Variants in POF1B observed in about 807,000 individuals in gnomAD.
POF1B encodes POF1B actin binding protein.
A neutral mutation model predicts 55.3 loss-of-function variants in POF1B; 53 were observed. The ratio of observed to expected loss-of-function variants is 0.96; its 90% CI spans 0.77 to 1.20. The LOEUF (loss-of-function observed/expected upper bound fraction) is 1.20. Among genes scored for constraint, POF1B ranks in the 50% most tolerant of loss-of-function variants. The pLI, the probability that POF1B is intolerant of heterozygous loss-of-function variation, is 0.00. For missense variants in POF1B, 478 were observed against 420.5 expected (o/e 1.14, Z -1.20); for synonymous variants, 188 against 148.3 (o/e 1.27, Z -1.95).
intron 9 of POF1B, among the ~76,000 whole-genome samples, chrX:85,309,311 T>A (rs2147907617): frequency 9.3e-6 from 1 of 106,994 alleles, no homozygotes; most frequent in Non-Finnish European, 1.9e-5. Flanking sequence ...TCCCACCCTG[T>A]GGAGTGTGCT....
Position 85,278,179 on chromosome X carries a change from A to C in POF1B, c.*1242T>G, listed in dbSNP as rs1247937268. ...TTTTTCCTCATTTATGGTTTGATTTAGTGTAGTGCCTCAACTGTTCTTAAT... is the reference window on the plus strand; with the variant it reads ...TTTTTCCTCATTTATGGTTTGATTTCGTGTAGTGCCTCAACTGTTCTTAAT... On this transcript the variant is annotated 3_prime_UTR_variant, in exon 17 of 17. Transcript: ENST00000262753. 3 of 110,989 alleles carry C rather than the reference A, an allele frequency of 2.7e-5. No homozygotes were observed. Among genetic ancestry groups the C allele is most frequent in the Admixed American group, 9.6e-5 (1 of 10,368 alleles). The allele number at this position is 110,989 out of a possible 1,213,427, so 9.1% of individuals were successfully genotyped here. A position where few individuals can be genotyped will look rare whatever the true frequency, so the allele number is the denominator to read the frequency against.
At chrX:85,285,575 C>T (rs902458969) in intron 15 of POF1B, among the ~76,000 whole-genome samples, 9 of 102,671 alleles carry the variant, frequency 8.8e-5, no homozygotes, top group African/African-American at 3.3e-4. Flanking sequence ...ACCACATGTT[C>T]TCACTCATAG....
intron 3 of POF1B, among the ~76,000 whole-genome samples, chrX:85,362,823 C>T (rs1933647864): frequency 9.0e-6 from 1 of 111,308 alleles, no homozygotes; most frequent in African/African-American, 3.3e-5. Flanking sequence ...ATGAATGGTA[C>T]CATCTCTTCT....
intron 15 of POF1B, among the ~76,000 whole-genome samples, chrX:85,292,522 CTT>C (rs1932214563): frequency 8.9e-6 from 1 of 112,031 alleles, no homozygotes; most frequent in Admixed American, 9.4e-5. Flanking sequence ...CCCAGCTCCT[CTT>C]TGTACATTTG....
chrX:85,313,694 C>T (rs760488126), intron 9 of POF1B, among the ~76,000 whole-genome samples: 67 of 111,300 alleles, frequency 6.0e-4, no homozygotes, highest in African/African-American at 2.1e-3. Context: ...CCTCATAAAA[C>T]GAGTTAGGGG....
intron 15 of POF1B, among the ~76,000 whole-genome samples, chrX:85,296,209 TA>T (rs752441007): frequency 8.9e-5 from 10 of 111,834 alleles, no homozygotes; most frequent in Non-Finnish European, 1.7e-4. Context: ...CTATGTCTTT[TA>T]AGTGGGGCAT....
At chrX:85,354,756 T>G (rs967180928) in intron 4 of POF1B, among the ~76,000 whole-genome samples, 1 of 110,798 alleles carries the variant, frequency 9.0e-6, no homozygotes, top group Non-Finnish European at 1.9e-5. Context: ...ACAAGGGACG[T>G]GAAGGACCTC....
chrX:85,289,415 G>A (rs1226529264), intron 15 of POF1B, among the ~76,000 whole-genome samples: 1 of 112,052 alleles, frequency 8.9e-6, no homozygotes, highest in Non-Finnish European at 1.9e-5. Flanking sequence ...AAGGCTGCAC[G>A]CTCTCATGTG....
intron 15 of POF1B, among the ~76,000 whole-genome samples, chrX:85,299,191 CTTT>C (rs765012797): frequency 3.2e-4 from 24 of 74,867 alleles, no homozygotes; most frequent in African/African-American, 9.7e-4. Flanking sequence ...CTTTTTTTTT[CTTT>C]TTTTTTTTTT....
rs771997879 is a variant in POF1B at position 85,282,329 on chromosome X, A to G, written c.1650-12T>C. 30 of 1,079,389 alleles carry G rather than the reference A, an allele frequency of 2.8e-5. No homozygotes were observed. Among genetic ancestry groups the G allele is most frequent in the Non-Finnish European group, 3.6e-5 (29 of 808,966 alleles). The allele number at this position is 1,079,389 out of a possible 1,213,427, so 89.0% of individuals were successfully genotyped here. On this transcript the variant is annotated splice_polypyrimidine_tract_variant and intron_variant, in intron 15 of 16. Transcript: ENST00000262753. Reference sequence around the variant, plus strand: ...ATTGTGTCCTGTACCTGTTGGCAAGAAAAGAGTTAGTTTACAGGCTGCATG... The same window carrying G: ...ATTGTGTCCTGTACCTGTTGGCAAGGAAAGAGTTAGTTTACAGGCTGCATG...
chrX:85,327,218 T>C (rs66922672), intron 7 of POF1B, among the ~76,000 whole-genome samples: 27,924 of 109,958 alleles, frequency 0.25, 3,931 homozygotes, highest in African/African-American at 0.54. Context: ...TGCTCTTTAC[T>C]TGCTCAACTC....
rs1931843999 is a variant in POF1B, at chrX:85,279,250, G to A, written c.*171C>T. On this transcript the variant is annotated 3_prime_UTR_variant, in exon 17 of 17. Transcript: ENST00000262753. The stretch of plus-strand genomic sequence containing the variant: ...AAAGATTTAGGTCTCATAAATGGGT[G>A]AAGAAATTGTCATCTACAGAACTAA... The A allele has an allele frequency of 8.8e-6, 4 of 455,205 alleles. No homozygotes were observed. Among genetic ancestry groups the A allele is most frequent in the Admixed American group, 3.9e-5 (1 of 25,556 alleles). 37.5% of individuals were successfully genotyped at this position (455,205 alleles called of 1,213,427 possible).
At chrX:85,342,390 T>C (rs1341036114) in intron 6 of POF1B, among the ~76,000 whole-genome samples, 1 of 111,741 alleles carries the variant, frequency 8.9e-6, no homozygotes, top group Non-Finnish European at 1.9e-5. Flanking sequence ...TATTGGTGAT[T>C]TGAAACATTT....
At chrX:85,367,381 A>G (rs1371243613) in intron 3 of POF1B, among the ~76,000 whole-genome samples, 1 of 111,741 alleles carries the variant, frequency 8.9e-6, no homozygotes, top group African/African-American at 3.3e-5. Flanking sequence ...CATAAAGCCA[A>G]GTCTTCAATC....
intron 9 of POF1B, among the ~76,000 whole-genome samples, chrX:85,308,581 T>G (rs979281752): frequency 8.9e-5 from 10 of 111,980 alleles, no homozygotes; most frequent in African/African-American, 1.9e-4. Flanking sequence ...CTAAGTGTAT[T>G]GCCAACTGCC....
rs202187305 is a variant in POF1B, at chrX:85,329,054, CATAGATT to C, written c.854+1888_854+1894del. On this transcript the variant is annotated intron_variant, in intron 7 of 16. Transcript: ENST00000262753. ...TTAGGGAAGGCTTTGCAGAAAAGTTCATAGATTATAGGTAAAGCAGTACTCAAAAATG... is the reference window on the plus strand; with the variant it reads ...TTAGGGAAGGCTTTGCAGAAAAGTTCATAGGTAAAGCAGTACTCAAAAATG... Among the ~76,000 whole-genome samples, 234 of 111,398 alleles carry C rather than the reference CATAGATT, an allele frequency of 2.1e-3. 2 individuals carry two copies. The East Asian group carries it at 0.048, about 23-fold the overall frequency.
chrX:85,285,447 T>C (rs1051598475), intron 15 of POF1B, among the ~76,000 whole-genome samples: 1 of 110,872 alleles, frequency 9.0e-6, no homozygotes, highest in Non-Finnish European at 1.9e-5. Context: ...GTGGCACATA[T>C]ACACCATGGA....
rs755793256 is a variant in POF1B, at chrX:85,280,478, A to C, written c.1765-1052T>G. Among the ~76,000 whole-genome samples the C allele has an allele frequency of 7.2e-5, 8 of 111,237 alleles. No homozygotes were observed. In the South Asian group the frequency reaches 3.0e-3, roughly 42 times the overall value. ...GAATTTTCCCAAACCGAACATGCAT[A>C]TGTAACCATCTCCCAGATAAAGAAA... On this transcript the variant is annotated intron_variant, in intron 16 of 16. Coordinates refer to ENST00000262753, the MANE Select transcript of POF1B (RefSeq NM_024921.4).
rs148519868 is a variant in POF1B, at chrX:85,325,649, T to G, written c.854+5300A>C. Among the ~76,000 whole-genome samples the G allele has an allele frequency of 6.4e-3, 717 of 111,902 alleles. 3 individuals are homozygous for G. Among genetic ancestry groups the G allele is most frequent in the African/African-American group, 0.022 (686 of 30,799 alleles). ...TTCATGTCGATGATCTTTGTTCCTA[T>G]CCATAGTCTGAATTCTATTTCTGTC... On this transcript the variant is annotated intron_variant, in intron 7 of 16. Transcript: ENST00000262753.
Sources: allele counts gnomAD v4.1 joint callset (sites outside exome capture counted in the v4.1 genomes callset), GRCh38; gene constraint gnomAD v4.1.1; transcripts MANE v1.5; gene names NCBI Gene and HGNC (gene_info 2026-07-23, HGNC 2026-07-21).